The following CNTN6 variants were observed in gnomAD, a reference collection of about 807,000 sequenced individuals.
CNTN6 encodes contactin 6.
Under a neutral mutation model 122.8 loss-of-function variants are expected in CNTN6, and 137 were observed. The ratio of observed to expected loss-of-function variants is 1.12; its 90% CI spans 0.97 to 1.29. CNTN6 has a LOEUF of 1.29. CNTN6 is among the 50% of genes most tolerant of loss of function. The pLI, the probability that CNTN6 is intolerant of heterozygous loss-of-function variation, is 0.00. For synonymous variants in CNTN6, 570 were observed against 426.0 expected (o/e 1.34, Z -4.16); for missense variants, 1,634 against 1,223.4 (o/e 1.34, Z -5.01).
intron 16 of CNTN6, among the ~76,000 whole-genome samples, chr3:1,375,044 T>G (rs112494832): frequency 0.031 from 4,750 of 152,122 alleles, 239 homozygotes; most frequent in African/African-American, 0.11. Flanking sequence ...AACCTCCTGA[T>G]TTTTACACCC....
chr3:1,288,607 T>C (rs1694756158), intron 5 of CNTN6, among the ~76,000 whole-genome samples: 1 of 152,224 alleles, frequency 6.6e-6, no homozygotes, highest in Admixed American at 6.5e-5. Context: ...TCATTTATTT[T>C]CTGCCTCAGG....
intron 7 of CNTN6, among the ~76,000 whole-genome samples, chr3:1,308,648 T>A (rs1698745941): frequency 6.6e-6 from 1 of 152,012 alleles, no homozygotes; most frequent in African/African-American, 2.4e-5. Flanking sequence ...CCGACTCTAA[T>A]CCATTACCAC....
chr3:1,391,692 G>A (rs1184800129), intron 20 of CNTN6, among the ~76,000 whole-genome samples: 1 of 150,538 alleles, frequency 6.6e-6, no homozygotes, highest in African/African-American at 2.5e-5. Flanking sequence ...AAGCTGATAA[G>A]CAACTTCAGC....
intron 3 of CNTN6, among the ~76,000 whole-genome samples, chr3:1,225,851 CTAAA>C (rs1312673195): frequency 6.6e-6 from 1 of 152,038 alleles, no homozygotes; most frequent in Non-Finnish European, 1.5e-5. Context: ...CAGGAAATGG[CTAAA>C]TAATTTCAAA....
chr3:1,154,243 C>T lies in CNTN6; in HGVS notation c.55+6180C>T, dbSNP rs1055884225. 3.9e-5 allele frequency among the ~76,000 whole-genome samples: 6 copies of T among 151,982 alleles called. No individual in the cohort carries two copies. In the South Asian group the frequency reaches 1.2e-3, roughly 31 times the overall value. Reference sequence around the variant, plus strand: ...GGGAAATGATTGGTATGCAGACTGGCATACTATAGGAAATGTAGGCTCTTA... The same window carrying T: ...GGGAAATGATTGGTATGCAGACTGGTATACTATAGGAAATGTAGGCTCTTA... On this transcript the variant is annotated intron_variant, in intron 2 of 22. Coordinates refer to ENST00000446702, the MANE Select transcript of CNTN6 (RefSeq NM_001289080.2).
rs528776545 is a variant in CNTN6, at chr3:1,222,424, A to G, written c.182+1611A>G. Among the ~76,000 whole-genome samples, 22 of 152,302 alleles carry G rather than the reference A, an allele frequency of 1.4e-4. No individual in the cohort carries two copies. In the East Asian group the frequency reaches 4.2e-3, roughly 29 times the overall value. On this transcript the variant is annotated intron_variant, in intron 3 of 22. Coordinates refer to ENST00000446702, the MANE Select transcript of CNTN6 (RefSeq NM_001289080.2). ...AGAGAAAGAATATAAGAATTCCTAT[A>G]ACATTTTTTGAAAGTTTGCTGAATA...
At chr3:1,367,825 C>G (rs912062720) in intron 12 of CNTN6, among the ~76,000 whole-genome samples, 1 of 152,088 alleles carries the variant, frequency 6.6e-6, no homozygotes, top group Non-Finnish European at 1.5e-5. Context: ...GCCATAGAAA[C>G]GGCAGTGGAT....
chr3:1,394,303 G>C (rs565710275), intron 20 of CNTN6: 1 of 188,102 alleles, frequency 5.3e-6, no homozygotes, highest in Admixed American at 6.2e-5. Context: ...ACGGCCCCCC[G>C]AAACAGGGCT....
At chr3:1,373,200 G>A (rs780762124) in intron 14 of CNTN6, among the ~76,000 whole-genome samples, 7 of 152,156 alleles carry the variant, frequency 4.6e-5, no homozygotes, top group Middle Eastern at 3.4e-3. Context: ...CTTGGCAAGC[G>A]GTGTCAGTAA....
chr3:1,387,937 A>G (rs1042531146), intron 20 of CNTN6, among the ~76,000 whole-genome samples: 5 of 152,086 alleles, frequency 3.3e-5, no homozygotes, highest in Admixed American at 6.5e-5. Flanking sequence ...GCTGATTGCT[A>G]GCACAGCAGT....
intron 1 of CNTN6, among the ~76,000 whole-genome samples, chr3:1,120,605 G>A (rs761627750): frequency 1.1e-4 from 16 of 151,654 alleles, no homozygotes; most frequent in East Asian, 1.9e-4. Context: ...TTTTCTCTCA[G>A]CCTCTGAAGA....
At chr3:1,246,298 TATATA>T (rs2094582852) in intron 4 of CNTN6, among the ~76,000 whole-genome samples, 2 of 152,198 alleles carry the variant, frequency 1.3e-5, no homozygotes, top group African/African-American at 4.8e-5. Flanking sequence ...AATCATGCAA[TATATA>T]ATATATTGCT....
At chr3:1,276,185 A>G (rs3821435) in intron 4 of CNTN6, among the ~76,000 whole-genome samples, 68,134 of 152,032 alleles carry the variant, frequency 0.45, 16,841 homozygotes, top group Non-Finnish European at 0.57. Flanking sequence ...AAGATAACCA[A>G]TGTGTATTTT....
chr3:1,345,754 A>G (rs6794738), intron 11 of CNTN6, among the ~76,000 whole-genome samples: 75,917 of 151,914 alleles, frequency 0.5, 20,317 homozygotes, highest in African/African-American at 0.66. Context: ...AATTGTGAAC[A>G]GGAAGAATTT....
At position 1,369,506 on chromosome 3, in the gene CNTN6, C is replaced by A. The variant is rs567385292; in HGVS notation, c.1493-2793C>A. On this transcript the variant is annotated intron_variant, in intron 12 of 22. Transcript: ENST00000446702. ...ATGAGTTAACTAGTGAAAAATGTAA[C>A]CATTATAAGTGATGAAATAAACATT... Among the ~76,000 whole-genome samples, 177 of 151,104 alleles carry A rather than the reference C, an allele frequency of 1.2e-3. 2 individuals are homozygous for A. The highest frequency in any genetic ancestry group is 4.1e-3 in the African/African-American group (169 of 41,150).
intron 11 of CNTN6, among the ~76,000 whole-genome samples, chr3:1,331,868 A>G (rs1181407621): frequency 6.6e-6 from 1 of 151,914 alleles, no homozygotes; most frequent in Non-Finnish European, 1.5e-5. Context: ...ATAAGAAAAA[A>G]AAGCAGGAGG....
At chr3:1,220,964 A>C in intron 3 of CNTN6, 151 bp downstream of exon 3, 1 of 838,768 alleles carries the variant, frequency 1.2e-6, no homozygotes, top group Non-Finnish European at 1.7e-6. Context: ...ACAATCACTC[A>C]GATAAAGATA....
chr3:1,327,587 G>A lies in CNTN6; in HGVS notation c.1213+1G>A, dbSNP rs1320152134. ...GCAAATGCTGAATTGAGAGTTTTAG[G>A]TAAGTCGTTTATTTACAACCAACAA... On this transcript the variant is annotated splice_donor_variant, in intron 10 of 22. Coordinates refer to ENST00000446702, the MANE Select transcript of CNTN6 (RefSeq NM_001289080.2). LOFTEE classifies it high-confidence loss of function. The A allele has an allele frequency of 6.2e-7, 1 of 1,608,864 alleles. No individual in the cohort carries two copies. Among genetic ancestry groups the A allele is most frequent in the Middle Eastern group, 1.7e-4 (1 of 5,864 alleles).
At chr3:1,266,231 G>A (rs1207905170) in intron 4 of CNTN6, among the ~76,000 whole-genome samples, 2 of 152,108 alleles carry the variant, frequency 1.3e-5, no homozygotes, top group African/African-American at 4.8e-5. Context: ...ATGCATGCAA[G>A]GGTCCTTATC....
Sources: allele counts gnomAD v4.1 joint callset (sites outside exome capture counted in the v4.1 genomes callset), GRCh38; gene constraint gnomAD v4.1.1; transcripts MANE v1.5; gene names NCBI Gene and HGNC (gene_info 2026-07-23, HGNC 2026-07-21).